COL6A2: variants seen among roughly 807,000 people sequenced by gnomAD.
The protein encoded by COL6A2 is collagen type VI alpha 2 chain.
COL6A2 carries 90 observed loss-of-function variants against 124.9 expected under a neutral mutation model. That is an observed-to-expected ratio of 0.72 (90% CI 0.61 to 0.86). COL6A2 has a LOEUF of 0.86. COL6A2 is among the 40% of genes least tolerant of loss of function. The pLI, the probability that COL6A2 is intolerant of heterozygous loss-of-function variation, is 0.00. For missense variants in COL6A2, 1,607 were observed against 1,502.5 expected (o/e 1.07, Z -1.15); for synonymous variants, 793 against 618.2 (o/e 1.28, Z -4.19).
intron 27 of COL6A2, among the ~76,000 whole-genome samples, chr21:46,130,494 C>A (rs558584486): frequency 6.6e-6 from 1 of 152,280 alleles, no homozygotes; most frequent in Non-Finnish European, 1.5e-5. Flanking sequence ...ACCCACTGCA[C>A]AGGGCAGGCC....
rs2078462443 is a variant in COL6A2, at chr21:46,115,877, C to T, written c.807C>T (p.Ala269=). The T allele has an allele frequency of 6.2e-7, 1 of 1,612,900 alleles. No homozygotes were observed. The highest frequency in any genetic ancestry group is 1.3e-5 in the African/African-American group (1 of 75,040). The change falls in exon 6 of 28, where the codon GCC becomes GCT. Residue 269 remains alanine, a synonymous_variant. Coordinates refer to ENST00000300527, the MANE Select transcript of COL6A2 (RefSeq NM_001849.4). ...GPKGYRGQKG[A]KGNMGEPGEP... ...ACTCTTTTCTCTGCTTTTAGGGTGC[C>T]AAGGGCAACATGGGTGAGCCGGGAG...
chr21:46,128,936 T>G (rs372654105), intron 27 of COL6A2: 14 of 1,612,332 alleles, frequency 8.7e-6, no homozygotes, highest in Non-Finnish European at 1.2e-5. Context: ...TGAAAGGTTT[T>G]CTCGGGGTCC....
chr21:46,123,067 A>G (rs1190910452), intron 21 of COL6A2, 130 bp downstream of exon 21: 1 of 888,440 alleles, frequency 1.1e-6, no homozygotes, highest in African/African-American at 1.8e-5. Flanking sequence ...CACCACCCCC[A>G]CCTTCCTAAA....
In COL6A2 at chr21:46,129,431, C is replaced by T. The variant is rs200220635; in HGVS notation, c.2462-2523C>T. On this transcript the variant is annotated intron_variant, in intron 27 of 27. Coordinates refer to ENST00000300527, the MANE Select transcript of COL6A2 (RefSeq NM_001849.4). ...ACTGGATGGAGCTGTTCATTGACACCTTTAAGCTGGTGCACAGGGACATCG... is the reference window on the plus strand; with the variant it reads ...ACTGGATGGAGCTGTTCATTGACACTTTTAAGCTGGTGCACAGGGACATCG... The T allele has an allele frequency of 8.3e-5, 134 of 1,608,994 alleles. No homozygotes were observed. In the African/African-American group the frequency reaches 1.8e-3, roughly 21 times the overall value.
intron 3 of COL6A2, 32 bp downstream of exon 3, chr21:46,112,609 C>G (rs2078420442): frequency 6.2e-7 from 1 of 1,608,002 alleles, no homozygotes; most frequent in East Asian, 2.2e-5. Flanking sequence ...CGTCCACGCG[C>G]CAGGGGTGGC....
Position 46,122,123 on chromosome 21 carries a change from C to A in COL6A2, c.1537C>A (p.Pro513Thr). 6.2e-7 allele frequency: 1 copy of A among 1,612,734 alleles called. No individual in the cohort carries two copies. Among genetic ancestry groups the A allele is most frequent in the East Asian group, 2.2e-5 (1 of 44,878 alleles). Residue 513 changes from proline (P) to threonine (T), a missense_variant, in exon 19 of 28, where the codon CCT becomes ACT. Coordinates refer to ENST00000300527, the MANE Select transcript of COL6A2 (RefSeq NM_001849.4). ...CCTCCTCCAGGGAGACCCCGGCAGG[C>A]CTGGATTCAGCTACCCAGGACCCCG... ...QPGPKGDPGR[P>T]GFSYPGPRGA...
rs1401179936 is a variant in COL6A2 at position 46,112,023 on chromosome 21, T to A, written c.160T>A (p.Ser54Thr). Residue 54 changes from serine (S) to threonine (T), a missense_variant, in exon 3 of 28, where the codon TCG becomes ACG. Physicochemically the swap from Ser to Thr is moderately conservative, Grantham distance 58 (BLOSUM62 1). Transcript: ENST00000300527. ...PIHVYFVLDT[S>T]ESVTMQSPTD... ...CCACGTGTACTTCGTGCTGGACACC[T>A]CGGAGAGCGTCACCATGCAGTCCCC... is the stretch of plus-strand genomic sequence containing the variant. 2 of 1,612,734 alleles carry A rather than the reference T, an allele frequency of 1.2e-6. No homozygotes were observed. Among genetic ancestry groups the A allele is most frequent in the South Asian group, 1.1e-5 (1 of 91,066 alleles).
Position 46,116,166 on chromosome 21 carries a change from A to C in COL6A2, c.900+113A>C. On this transcript the variant is annotated intron_variant, in intron 7 of 27. Transcript: ENST00000300527. This position sits in a 1 kb window ranked among gnomAD's most constrained non-coding sequence, Gnocchi z 4.6. ...CTCTACGACCCTCCCCCCAGTTACC[A>C]AGGAACAGAAGCACCTCGATAACTT... 1 of 1,227,950 alleles carries C rather than the reference A, an allele frequency of 8.1e-7. No individual in the cohort carries two copies. Among genetic ancestry groups the C allele is most frequent in the Non-Finnish European group, 1.2e-6 (1 of 856,100 alleles). The allele number at this position is 1,227,950 out of a possible 1,614,324, so 76.1% of individuals were successfully genotyped here. A position where few individuals can be genotyped will look rare whatever the true frequency, so the allele number is the denominator to read the frequency against.
At chr21:46,122,393 G>A (rs1401282101) in intron 19 of COL6A2, 103 bp from the exon 20 acceptor site, 2 of 1,492,582 alleles carry the variant, frequency 1.3e-6, no homozygotes, top group Non-Finnish European at 1.9e-6. Flanking sequence ...CCCAGAGTGT[G>A]AATGAGCGAG....
intron 1 of COL6A2, among the ~76,000 whole-genome samples, chr21:46,101,629 C>T (rs2078288029): frequency 6.6e-6 from 1 of 152,128 alleles, no homozygotes. Context: ...ATCTAGTTGT[C>T]TCTGCACCGT....
intron 21 of COL6A2, 69 bp from the exon 22 acceptor site, chr21:46,124,582 G>A: frequency 5.4e-6 from 8 of 1,493,244 alleles, no homozygotes; most frequent in South Asian, 1.1e-5. Flanking sequence ...GGACAGCACA[G>A]GGGGCCCTGC....
chr21:46,120,683 C>A (rs774038724), intron 16 of COL6A2, 106 bp downstream of exon 16: 2 of 1,117,262 alleles, frequency 1.8e-6, no homozygotes, highest in Non-Finnish European at 2.5e-6. Context: ...AGGTAGGGGA[C>A]CCGGGTGGGT....
At chr21:46,122,472 C>G in intron 19 of COL6A2, 24 bp from the exon 20 acceptor site, 1 of 1,612,810 alleles carries the variant, frequency 6.2e-7, no homozygotes, top group Middle Eastern at 1.6e-4. Context: ...GGCTGAGTCA[C>G]CCTGGCTTCT....
rs142065958 is a variant in COL6A2 at position 46,125,825 on chromosome 21, C to A, written c.2010C>A (p.Thr670=). Reference sequence around the variant, plus strand: ...TGGTGCAGTACAGCCACGAGGGCACCTTTGAGGCCATCCAGCTGGACGACG... The same window carrying A: ...TGGTGCAGTACAGCCACGAGGGCACATTTGAGGCCATCCAGCTGGACGACG... ...VGVVQYSHEG[T]FEAIQLDDER... The change falls in exon 26 of 28, where the codon ACC becomes ACA. Residue 670 remains threonine, a synonymous_variant. Coordinates refer to ENST00000300527, the MANE Select transcript of COL6A2 (RefSeq NM_001849.4). 40 of 1,612,644 alleles carry A rather than the reference C, an allele frequency of 2.5e-5. No homozygotes were observed. In the African/African-American group the frequency reaches 5.1e-4, roughly 20 times the overall value.
intron 14 of COL6A2, among the ~76,000 whole-genome samples, chr21:46,119,473 C>T (rs556444764): frequency 6.6e-6 from 1 of 152,208 alleles, no homozygotes; most frequent in Non-Finnish European, 1.5e-5. Flanking sequence ...TGGACAGCAC[C>T]AGGTCCCCAC....
Position 46,126,055 on chromosome 21 carries a change from T to C in COL6A2, c.2240T>C (p.Leu747Pro). ...GACGATGACCTCAACTTGCGGGCGC[T>C]GTGCGACCGCGACGTCACAGTGACG... ...PRDDDLNLRA[L>P]CDRDVTVTAI... The change falls in exon 26 of 28, where the codon CTG (leucine) becomes CCG (proline). Residue 747 changes from leucine (L) to proline (P), a missense_variant. Transcript: ENST00000300527. 1 of 1,613,000 alleles carries C rather than the reference T, an allele frequency of 6.2e-7. No individual in the cohort carries two copies. Among genetic ancestry groups the C allele is most frequent in the Non-Finnish European group, 8.5e-7 (1 of 1,179,996 alleles).
In COL6A2 at chr21:46,121,634, C is replaced by A. The variant is rs767456316; in HGVS notation, c.1521+16C>A. The A allele has an allele frequency of 1.9e-6, 3 of 1,612,302 alleles. No individual in the cohort carries two copies. Among genetic ancestry groups the A allele is most frequent in the Non-Finnish European group, 1.7e-6 (2 of 1,179,692 alleles). On this transcript the variant is annotated intron_variant, in intron 18 of 27. Transcript: ENST00000300527. Reference sequence around the variant, plus strand: ...AGGCCCCAAGGTACGTGCCCCTCCCCCAGCAGGACGTATTAGGGGTTCGGG... The same window carrying A: ...AGGCCCCAAGGTACGTGCCCCTCCCACAGCAGGACGTATTAGGGGTTCGGG...
intron 1 of COL6A2, among the ~76,000 whole-genome samples, chr21:46,100,138 C>T (rs1451557738): frequency 6.6e-6 from 1 of 151,858 alleles, no homozygotes; most frequent in Non-Finnish European, 1.5e-5. Context: ...TGCTCTGTCA[C>T]CCAGGCTGGA....
chr21:46,128,299 G>A (rs555304001), intron 27 of COL6A2, among the ~76,000 whole-genome samples: 97 of 152,198 alleles, frequency 6.4e-4, no homozygotes, highest in Non-Finnish European at 1.0e-3. Context: ...CCTCTCGGCC[G>A]CCCTGACACC....
Sources: allele counts gnomAD v4.1 joint callset (sites outside exome capture counted in the v4.1 genomes callset), GRCh38; gene constraint gnomAD v4.1.1; non-coding constraint Gnocchi (gnomAD v3.1); transcripts MANE v1.5; gene names NCBI Gene and HGNC (gene_info 2026-07-23, HGNC 2026-07-21).